The following MTA3 variants were observed in gnomAD, a reference collection of about 807,000 sequenced individuals.
The protein encoded by MTA3 is metastasis associated 1 family member 3, also known as metastasis-associated protein MTA3.
A neutral mutation model predicts 83.5 loss-of-function variants in MTA3; 34 were observed. The ratio of observed to expected loss-of-function variants is 0.41; its 90% CI spans 0.31 to 0.54. The LOEUF is 0.54. MTA3 is among the 20% of genes least tolerant of loss of function. The probability of loss-of-function intolerance (pLI) is 0.33; values close to 1 mark genes in which losing one functional copy is unlikely to be tolerated. For missense variants in MTA3, 761 were observed against 726.4 expected (o/e 1.05, Z -0.55); for synonymous variants, 303 against 252.7 (o/e 1.20, Z -1.89).
chr2:42,594,730 T>TATATATATA (rs1558473027), intron 3 of MTA3, among the ~76,000 whole-genome samples: 2 of 14,038 alleles, frequency 1.4e-4, no homozygotes, highest in African/African-American at 6.4e-4. Flanking sequence ...ATATATATAT[T>TATATATATA]TTTTTTTTTT....
At position 42,568,754 on chromosome 2, in the gene MTA3, C is replaced by T. The variant is rs1678097813; in HGVS notation, c.9C>T (p.Ala3=). Residue 3 remains alanine (A), a synonymous_variant, in exon 1 of 17, where the codon GCC becomes GCT. Transcript: ENST00000405094. MA[A]NMYRVGDYVY... is the part of the protein sequence containing the mutation. ...CGGGCGGGCGGGCGGACATGGCGGC[C>T]AACATGTACCGGGTCGGAGGTAGGC... 5.7e-6 allele frequency: 7 copies of T among 1,219,734 alleles called. No individual in the cohort carries two copies. The Admixed American group carries it at 1.7e-4, about 30-fold the overall frequency. 75.6% of individuals were successfully genotyped at this position (1,219,734 alleles called of 1,614,324 possible).
At chr2:42,698,063 T>C (rs1028335713) in intron 11 of MTA3, among the ~76,000 whole-genome samples, 2 of 152,204 alleles carry the variant, frequency 1.3e-5, no homozygotes, top group African/African-American at 2.4e-5. Context: ...ACTATACTTT[T>C]ATTAAATCAA....
chr2:42,580,294 C>A (rs557491791), intron 3 of MTA3, among the ~76,000 whole-genome samples: 5 of 151,818 alleles, frequency 3.3e-5, no homozygotes, highest in Middle Eastern at 6.8e-3. Context: ...TTTTTCCCCC[C>A]CTTCTTTTCA....
chr2:42,585,366 G>C (rs1680148039), intron 3 of MTA3, among the ~76,000 whole-genome samples: 1 of 152,048 alleles, frequency 6.6e-6, no homozygotes, highest in African/African-American at 2.4e-5. Context: ...GGGATTACAG[G>C]CATGAGCCAC....
At chr2:42,711,556 A>G (rs1172528671) in intron 14 of MTA3, among the ~76,000 whole-genome samples, 1 of 152,192 alleles carries the variant, frequency 6.6e-6, no homozygotes, top group Non-Finnish European at 1.5e-5. Flanking sequence ...TTAAAATGAC[A>G]GTGTTTCAGC....
At chr2:42,633,846 G>C (rs1165682046) in intron 4 of MTA3, among the ~76,000 whole-genome samples, 1 of 149,702 alleles carries the variant, frequency 6.7e-6, no homozygotes, top group African/African-American at 2.5e-5. Flanking sequence ...CCGAGACCGC[G>C]CCACTGCACT....
intron 2 of MTA3, among the ~76,000 whole-genome samples, chr2:42,517,023 G>A (rs1409822912): frequency 1.3e-5 from 2 of 152,186 alleles, no homozygotes; most frequent in Admixed American, 6.5e-5. Context: ...ACTTTGGGAG[G>A]CCGAGGCGGG....
chr2:42,587,628 CT>C (rs1450741042), intron 3 of MTA3, among the ~76,000 whole-genome samples: 3 of 151,858 alleles, frequency 2.0e-5, no homozygotes, highest in African/African-American at 7.3e-5. Flanking sequence ...GACAGTCTGA[CT>C]CTTGTCACCC....
chr2:42,594,674 A>G (rs1681477775), intron 3 of MTA3, among the ~76,000 whole-genome samples: 1 of 133,922 alleles, frequency 7.5e-6, no homozygotes, highest in Non-Finnish European at 1.6e-5. Context: ...ACACACATAT[A>G]TAAATATACA....
chr2:42,507,370 A>T (rs1356939085), intron 2 of MTA3, among the ~76,000 whole-genome samples: 1 of 151,804 alleles, frequency 6.6e-6, no homozygotes, highest in East Asian at 2.0e-4. Flanking sequence ...TGGGGGTCTC[A>T]CTATGTTGCC....
In MTA3 at chr2:42,719,023, C is replaced by T; in HGVS notation, c.1561C>T (p.Leu521=). 1 of 1,550,422 alleles carries T rather than the reference C, an allele frequency of 6.4e-7. No homozygotes were observed. Among genetic ancestry groups the T allele is most frequent in the Non-Finnish European group, 8.7e-7 (1 of 1,146,914 alleles). ...ACATGCTGAACTATCTGGAAGTCCA[C>T]TGAAAAGCAAAAGCACTAGGAAGCC... is the stretch of plus-strand genomic sequence containing the variant. The part of the protein sequence containing the change: ...DRHAELSGSP[L]KSKSTRKPLA... Residue 521 remains leucine, a synonymous_variant, in exon 15 of 17, where the codon CTG becomes TTG. Transcript: ENST00000405094.
chr2:42,571,338 G>C (rs1678452896), intron 2 of MTA3, among the ~76,000 whole-genome samples: 1 of 131,392 alleles, frequency 7.6e-6, no homozygotes. Context: ...AGTGAGCTGA[G>C]ATCACGCCAT....
chr2:42,605,916 C>T lies in MTA3; in HGVS notation c.191-3542C>T, dbSNP rs1308525654. Among the ~76,000 whole-genome samples the T allele has an allele frequency of 4.2e-4, 32 of 76,868 alleles. 1 individual carries two copies. The highest frequency in any genetic ancestry group is 1.6e-3 in the African/African-American group (28 of 18,016). The allele number at this position is 76,868 out of a possible 152,430, so 50.4% of individuals were successfully genotyped here. On this transcript the variant is annotated intron_variant, in intron 3 of 16. Transcript: ENST00000405094. Reference sequence around the variant, plus strand: ...CTCCTCACTTCCCAGTAGGGGCGGCCGGGCAGAGGCGCCCCTCACCTCCCC... The same window carrying T: ...CTCCTCACTTCCCAGTAGGGGCGGCTGGGCAGAGGCGCCCCTCACCTCCCC...
At chr2:42,753,012 C>G (rs971893916) in intron 16 of MTA3, among the ~76,000 whole-genome samples, 1 of 151,626 alleles carries the variant, frequency 6.6e-6, no homozygotes, top group African/African-American at 2.4e-5. Flanking sequence ...GCAGCCTTGG[C>G]TTTGTGAGCT....
At chr2:42,704,132 T>TA in intron 11 of MTA3, 62 bp from the exon 12 acceptor site, 2 of 1,528,296 alleles carry the variant, frequency 1.3e-6, no homozygotes, top group South Asian at 2.4e-5. Context: ...TCAGTAATGA[T>TA]ATAGAGCTTT....
At chr2:42,642,835 G>A (rs113203792) in intron 5 of MTA3, among the ~76,000 whole-genome samples, 74 of 152,056 alleles carry the variant, frequency 4.9e-4, no homozygotes, top group African/African-American at 1.7e-3. Flanking sequence ...AGTAGAGACG[G>A]GATTTCACCA....
At chr2:42,738,998 G>A (rs888237569) in intron 16 of MTA3, among the ~76,000 whole-genome samples, 3 of 152,102 alleles carry the variant, frequency 2.0e-5, no homozygotes, top group South Asian at 2.1e-4. Flanking sequence ...TTTTAATTTC[G>A]CCTGGGTCCT....
chr2:42,747,080 C>T (rs1037581041), intron 16 of MTA3, among the ~76,000 whole-genome samples: 2 of 151,858 alleles, frequency 1.3e-5, no homozygotes, highest in African/African-American at 4.8e-5. Flanking sequence ...CAGCTGACTG[C>T]AACCTCTGTC....
intron 9 of MTA3, among the ~76,000 whole-genome samples, chr2:42,688,502 C>G (rs753268811): frequency 6.6e-6 from 1 of 152,130 alleles, no homozygotes. Flanking sequence ...TGTTTCATTG[C>G]CCATCATATG....
Sources: allele counts gnomAD v4.1 joint callset (sites outside exome capture counted in the v4.1 genomes callset), GRCh38; gene constraint gnomAD v4.1.1; transcripts MANE v1.5; gene names NCBI Gene and HGNC (gene_info 2026-07-23, HGNC 2026-07-21).